The following SEMA5A variants were observed in gnomAD, a reference collection of about 807,000 sequenced individuals.
SEMA5A encodes semaphorin 5A, also known as semaphorin-5A.
A neutral mutation model predicts 135.5 loss-of-function variants in SEMA5A; 55 were observed. That is an observed-to-expected ratio of 0.41 (90% CI 0.33 to 0.51). SEMA5A has a LOEUF of 0.51. SEMA5A is among the 20% of genes least tolerant of loss of function. The pLI is 0.37. For missense variants in SEMA5A, 1,290 were observed against 1,419.9 expected, an observed-to-expected ratio of 0.91 and a Z score of 1.47; for synonymous variants, 580 against 546.5, an observed-to-expected ratio of 1.06 and a Z score of -0.85.
At chr5:9,267,919 T>C (rs2150531513) in intron 5 of SEMA5A, among the ~76,000 whole-genome samples, 1 of 152,240 alleles carries the variant, frequency 6.6e-6, no homozygotes, top group East Asian at 1.9e-4. Context: ...GATAAAAAGC[T>C]TTTTTCAAAA....
At chr5:9,081,841 G>GAGTA (rs1273807707) in intron 16 of SEMA5A, among the ~76,000 whole-genome samples, 8 of 152,178 alleles carry the variant, frequency 5.3e-5, no homozygotes, top group African/African-American at 1.9e-4. Context: ...GAAATGTGTT[G>GAGTA]AGTAAGTATC....
chr5:9,220,887 T>A (rs1369462818), intron 8 of SEMA5A, among the ~76,000 whole-genome samples: 1 of 152,144 alleles, frequency 6.6e-6, no homozygotes, highest in South Asian at 2.1e-4. Flanking sequence ...CATGGTGGGA[T>A]GCAAAGGGCA....
chr5:9,150,116 G>A (rs998516198), intron 12 of SEMA5A, among the ~76,000 whole-genome samples: 1 of 152,160 alleles, frequency 6.6e-6, no homozygotes, highest in African/African-American at 2.4e-5. Context: ...AGGGATTACA[G>A]GTGTGAGTCA....
At chr5:9,229,317 T>C (rs1349833214) in intron 6 of SEMA5A, among the ~76,000 whole-genome samples, 1 of 152,238 alleles carries the variant, frequency 6.6e-6, no homozygotes, top group Non-Finnish European at 1.5e-5. Flanking sequence ...CTTGTCTTGT[T>C]TTGTTCTCTT....
chr5:9,443,980 C>T (rs867483575), intron 1 of SEMA5A, among the ~76,000 whole-genome samples: 2 of 152,240 alleles, frequency 1.3e-5, no homozygotes, highest in Non-Finnish European at 2.9e-5. Context: ...CACCCCTTCT[C>T]TCCTCTACAG....
intron 1 of SEMA5A, among the ~76,000 whole-genome samples, chr5:9,535,848 T>TG (rs1278608655): frequency 6.6e-6 from 1 of 152,170 alleles, no homozygotes; most frequent in African/African-American, 2.4e-5. Flanking sequence ...CACGGGCAGA[T>TG]GCTGGATCTT....
intron 5 of SEMA5A, among the ~76,000 whole-genome samples, chr5:9,253,961 C>T (rs186360712): frequency 3.5e-4 from 53 of 152,266 alleles, no homozygotes; most frequent in African/African-American, 1.2e-3. Context: ...TGCCTAACAT[C>T]ATTAAGGACA....
intron 3 of SEMA5A, among the ~76,000 whole-genome samples, chr5:9,341,266 C>T (rs911490879): frequency 6.6e-5 from 10 of 151,684 alleles, no homozygotes; most frequent in Non-Finnish European, 1.0e-4. Context: ...AGCCCAGAAA[C>T]GCAAGGATGG....
intron 1 of SEMA5A, among the ~76,000 whole-genome samples, chr5:9,504,236 AAAACAAAAG>A: frequency 6.6e-6 from 1 of 151,526 alleles, no homozygotes; most frequent in South Asian, 2.1e-4. Flanking sequence ...AAAAAAAAAA[AAAACAAAAG>A]AAAAGAAAAG....
At position 9,106,807 on chromosome 5, in the gene SEMA5A, T is replaced by C. The variant is rs554401434; in HGVS notation, c.2073+1333A>G. ...TATACATCGTAATGAAGATTTTTCA[T>C]GGTCTACAGTTAGTTCAGGCTGATC... On this transcript the variant is annotated intron_variant, in intron 16 of 22. Coordinates refer to ENST00000382496, the MANE Select transcript of SEMA5A (RefSeq NM_003966.3). Among the ~76,000 whole-genome samples the C allele has an allele frequency of 8.0e-4, 122 of 152,368 alleles. 2 individuals are homozygous for C. Among genetic ancestry groups the C allele is most frequent in the African/African-American group, 2.7e-3 (111 of 41,594 alleles).
At chr5:9,450,622 C>A (rs988144049) in intron 1 of SEMA5A, among the ~76,000 whole-genome samples, 2 of 152,046 alleles carry the variant, frequency 1.3e-5, no homozygotes, top group Non-Finnish European at 2.9e-5. Context: ...GTCCCCTCTC[C>A]CCAGTCAGCC....
chr5:9,309,117 A>G (rs1362301959), intron 5 of SEMA5A, among the ~76,000 whole-genome samples: 1 of 152,176 alleles, frequency 6.6e-6, no homozygotes, highest in Non-Finnish European at 1.5e-5. Flanking sequence ...GAATTCAGGG[A>G]TAAATCCAGT....
intron 2 of SEMA5A, among the ~76,000 whole-genome samples, chr5:9,414,543 G>A (rs758155593): frequency 6.6e-5 from 10 of 152,176 alleles, no homozygotes; most frequent in Non-Finnish European, 8.8e-5. Context: ...CAAGACTGAC[G>A]CTTCTGCTTT....
At chr5:9,366,131 T>A (rs568618238) in intron 3 of SEMA5A, among the ~76,000 whole-genome samples, 12 of 152,348 alleles carry the variant, frequency 7.9e-5, no homozygotes, top group South Asian at 6.2e-4. Flanking sequence ...ACTGCACTGA[T>A]GACTTAAAAC....
At chr5:9,044,271 A>AGTTT (rs2150026574) in intron 22 of SEMA5A, 102 bp downstream of exon 22, 1 of 987,762 alleles carries the variant, frequency 1.0e-6, no homozygotes, top group East Asian at 2.5e-5. Context: ...GAGAAAATTC[A>AGTTT]GTTTCAAAGG....
chr5:9,299,102 G>T (rs761998273), intron 5 of SEMA5A, among the ~76,000 whole-genome samples: 8 of 112,598 alleles, frequency 7.1e-5, no homozygotes, highest in Non-Finnish European at 1.3e-4. Context: ...AACATTGATG[G>T]TGGGCATCAC....
chr5:9,385,916 C>G (rs1755866761), intron 2 of SEMA5A, among the ~76,000 whole-genome samples: 1 of 151,060 alleles, frequency 6.6e-6, no homozygotes, highest in Admixed American at 6.6e-5. Context: ...ATTCTCCTGC[C>G]TCAGCCTCTT....
chr5:9,534,830 T>C (rs541804287), intron 1 of SEMA5A, among the ~76,000 whole-genome samples: 2 of 152,288 alleles, frequency 1.3e-5, no homozygotes, highest in South Asian at 2.1e-4. Flanking sequence ...GTTCAAAACA[T>C]TGATTTCCTT....
At position 9,265,974 on chromosome 5, in the gene SEMA5A, G is replaced by C. The variant is rs550274440; in HGVS notation, c.271-28084C>G. Among the ~76,000 whole-genome samples the C allele has an allele frequency of 9.2e-5, 14 of 152,272 alleles. No individual in the cohort carries two copies. In the South Asian group the frequency reaches 2.9e-3, roughly 32 times the overall value. ...TACATTTCAACATTCCTTGCCCCACGGCTGCCCTGCTTCCAAATCTCTCCC... is the reference window on the plus strand; with the variant it reads ...TACATTTCAACATTCCTTGCCCCACCGCTGCCCTGCTTCCAAATCTCTCCC... On this transcript the variant is annotated intron_variant, in intron 5 of 22. Coordinates refer to ENST00000382496, the MANE Select transcript of SEMA5A (RefSeq NM_003966.3).
Sources: allele counts gnomAD v4.1 joint callset (sites outside exome capture counted in the v4.1 genomes callset), GRCh38; gene constraint gnomAD v4.1.1; transcripts MANE v1.5; gene names NCBI Gene and HGNC (gene_info 2026-07-23, HGNC 2026-07-21).